The following OLA1 variants were observed in gnomAD, a reference collection of about 807,000 sequenced individuals.
OLA1 encodes the protein Obg like ATPase 1, also known as obg-like ATPase 1.
In OLA1, 14 loss-of-function variants were observed where a neutral mutation model predicts 48.4. That is an observed-to-expected ratio of 0.29 (90% CI 0.19 to 0.45). The LOEUF (loss-of-function observed/expected upper bound fraction) is 0.45. OLA1 is among the 20% of genes least tolerant of loss of function. The pLI is 1.00. For missense variants in OLA1, 325 were observed against 467.1 expected (o/e 0.70, Z 2.80); for synonymous variants, 127 against 150.4 (o/e 0.84, Z 1.14).
chr2:174,243,307 C>T (rs1472442182), intron 2 of OLA1, among the ~76,000 whole-genome samples: 1 of 152,196 alleles, frequency 6.6e-6, no homozygotes. Context: ...TGTGTGCCTG[C>T]AGTTCCAGCT....
chr2:174,116,096 T>C (rs1460370741), intron 7 of OLA1, among the ~76,000 whole-genome samples: 1 of 149,770 alleles, frequency 6.7e-6, no homozygotes, highest in African/African-American at 2.5e-5. Context: ...ATAATGACAG[T>C]TTTTTTTACC....
intron 4 of OLA1, among the ~76,000 whole-genome samples, chr2:174,147,254 A>G (rs1686626644): frequency 6.6e-6 from 1 of 151,940 alleles, no homozygotes; most frequent in African/African-American, 2.4e-5. Flanking sequence ...TGGAGAAAAC[A>G]CATCTCTACT....
At chr2:174,130,583 A>G (rs1209640987) in intron 5 of OLA1, among the ~76,000 whole-genome samples, 1 of 152,192 alleles carries the variant, frequency 6.6e-6, no homozygotes, top group African/African-American at 2.4e-5. Context: ...GGATCTGGCT[A>G]TTAGTAAAGA....
At chr2:174,198,182 C>A (rs1574545114) in intron 4 of OLA1, among the ~76,000 whole-genome samples, 2 of 152,182 alleles carry the variant, frequency 1.3e-5, no homozygotes, top group Non-Finnish European at 2.9e-5. Flanking sequence ...AGGATGATCT[C>A]GATCTCCTGA....
intron 4 of OLA1, among the ~76,000 whole-genome samples, chr2:174,158,644 G>T (rs1349169112): frequency 6.6e-6 from 1 of 151,988 alleles, no homozygotes; most frequent in Non-Finnish European, 1.5e-5. Flanking sequence ...TTTACGACAT[G>T]ATTTTCCACA....
intron 4 of OLA1, among the ~76,000 whole-genome samples, chr2:174,215,823 C>T (rs111640901): frequency 4.6e-5 from 7 of 152,290 alleles, no homozygotes; most frequent in African/African-American, 9.6e-5. Context: ...CAGCCACCTC[C>T]GGTTGCTATT....
chr2:174,204,391 ACT>A (rs1688064406), intron 4 of OLA1, among the ~76,000 whole-genome samples: 1 of 152,054 alleles, frequency 6.6e-6, no homozygotes, highest in South Asian at 2.1e-4. Flanking sequence ...ACAGAGCGAG[ACT>A]CTGTCTCAAA....
At chr2:174,155,855 GC>G (rs1686864556) in intron 4 of OLA1, among the ~76,000 whole-genome samples, 1 of 152,112 alleles carries the variant, frequency 6.6e-6, no homozygotes, top group African/African-American at 2.4e-5. Context: ...GCAAAGGGAC[GC>G]AGAGAGTAAA....
chr2:174,141,998 C>T lies in OLA1; in HGVS notation c.376G>A (p.Ala126Thr). Residue 126 changes from alanine to threonine, a missense_variant and splice_region_variant, in exon 5 of 11, where the codon GCT becomes ACT. Transcript: ENST00000284719. ...ACDGIFHLTR[A>T]FEDDDITHVE... ...TGCGTGATATCATCATCTTCAAAAGCACCTAAAATGAATTAAAGGGAAGCA... is the reference window on the plus strand; with the variant it reads ...TGCGTGATATCATCATCTTCAAAAGTACCTAAAATGAATTAAAGGGAAGCA... 1 of 1,612,810 alleles carries T rather than the reference C, an allele frequency of 6.2e-7. No homozygotes were observed. The highest frequency in any genetic ancestry group is 8.5e-7 in the Non-Finnish European group (1 of 1,179,482).
intron 4 of OLA1, among the ~76,000 whole-genome samples, chr2:174,202,643 C>G (rs1688016270): frequency 6.6e-6 from 1 of 151,948 alleles, no homozygotes; most frequent in Non-Finnish European, 1.5e-5. Context: ...AGAAGGTCCA[C>G]TTAATAGGGA....
intron 5 of OLA1, among the ~76,000 whole-genome samples, chr2:174,128,744 A>T (rs962632294): frequency 3.5e-4 from 53 of 151,874 alleles, no homozygotes; most frequent in Admixed American, 3.1e-3. Context: ...CTCAAAAAAA[A>T]AAAAAATAAA....
In OLA1 at chr2:174,082,040, C is replaced by T; in HGVS notation, c.753G>A (p.Val251=). The T allele has an allele frequency of 6.2e-7, 1 of 1,613,354 alleles. No individual in the cohort carries two copies. The highest frequency in any genetic ancestry group is 8.5e-7 in the Non-Finnish European group (1 of 1,179,396). The change falls in exon 8 of 11, where the codon GTG becomes GTA. Residue 251 remains valine (V), a synonymous_variant. Transcript: ENST00000284719. ...CCAAAGCACCTGGGTCATACTTGTCCACCCACTCTTTAATTTTTATCAACC... is the reference window on the plus strand; with the variant it reads ...CCAAAGCACCTGGGTCATACTTGTCTACCCACTCTTTAATTTTTATCAACC... ...NKWLIKIKEW[V]DKYDPGALVI... is the part of the protein sequence containing the mutation.
At chr2:174,189,471 G>C (rs1043843476) in intron 4 of OLA1, among the ~76,000 whole-genome samples, 2 of 151,974 alleles carry the variant, frequency 1.3e-5, no homozygotes, top group South Asian at 2.1e-4. Flanking sequence ...AATACAATAA[G>C]GGACAAGCAA....
chr2:174,187,746 T>C lies in OLA1; in HGVS notation c.373+35287A>G, dbSNP rs138016378. On this transcript the variant is annotated intron_variant, in intron 4 of 10. Transcript: ENST00000284719. ...GAAGAGTAAATAGAAAAACACTTTCTTGAATAGCATGCTAGTAGCAGTGAA... is the reference window on the plus strand; with the variant it reads ...GAAGAGTAAATAGAAAAACACTTTCCTGAATAGCATGCTAGTAGCAGTGAA... Among the ~76,000 whole-genome samples, 3 of 152,326 alleles carry C rather than the reference T, an allele frequency of 2.0e-5. No homozygotes were observed. In the East Asian group the frequency reaches 5.8e-4, roughly 29 times the overall value.
chr2:174,224,104 C>A (rs16862496), intron 3 of OLA1, among the ~76,000 whole-genome samples: 2 of 152,160 alleles, frequency 1.3e-5, no homozygotes, highest in Non-Finnish European at 2.9e-5. Flanking sequence ...CATAAAAGTT[C>A]CACAAAAGAC....
At chr2:174,211,512 A>G (rs896854019) in intron 4 of OLA1, among the ~76,000 whole-genome samples, 2 of 152,208 alleles carry the variant, frequency 1.3e-5, no homozygotes, top group African/African-American at 2.4e-5. Context: ...CTAGAAAATT[A>G]TATTTGAATC....
intron 7 of OLA1, among the ~76,000 whole-genome samples, chr2:174,109,525 A>C (rs1685598402): frequency 6.6e-6 from 1 of 152,250 alleles, no homozygotes; most frequent in Non-Finnish European, 1.5e-5. Context: ...AACACTTAAA[A>C]GCTTTTACAA....
chr2:174,232,550 A>ATGTC (rs1688753073), intron 2 of OLA1, among the ~76,000 whole-genome samples: 1 of 152,172 alleles, frequency 6.6e-6, no homozygotes, highest in South Asian at 2.1e-4. Context: ...ACCTAGAGAA[A>ATGTC]TGTCTGTTCT....
intron 4 of OLA1, among the ~76,000 whole-genome samples, chr2:174,175,456 T>C (rs1431580371): frequency 6.6e-6 from 1 of 151,964 alleles, no homozygotes; most frequent in African/African-American, 2.4e-5. Flanking sequence ...CCAAAGAAGA[T>C]ATACAGTTTG....
Sources: allele counts gnomAD v4.1 joint callset (sites outside exome capture counted in the v4.1 genomes callset), GRCh38; gene constraint gnomAD v4.1.1; transcripts MANE v1.5; gene names NCBI Gene and HGNC (gene_info 2026-07-23, HGNC 2026-07-21).